AKAP19: variants seen among roughly 807,000 people sequenced by gnomAD.
AKAP19 encodes the protein small A-kinase anchoring protein.
At chr2:190,088,335 C>G in the AKAP19 span, among the ~76,000 whole-genome samples, 1 of 152,030 alleles carries the variant, frequency 6.6e-6, no homozygotes, top group African/African-American at 2.4e-5. Context: ...TGGGTGGTCC[C>G]AGAGCTCTGA....
chr2:190,016,970 G>C, the AKAP19 span, among the ~76,000 whole-genome samples: 1 of 151,978 alleles, frequency 6.6e-6, no homozygotes, highest in African/African-American at 2.4e-5. Flanking sequence ...CTCTGATGTT[G>C]AGTACATATG....
the AKAP19 span, among the ~76,000 whole-genome samples, chr2:190,178,117 C>A: frequency 2.6e-5 from 4 of 152,160 alleles, no homozygotes; most frequent in Admixed American, 1.3e-4. This position sits in a 1 kb window ranked among gnomAD's most constrained non-coding sequence, Gnocchi z 6.3. Context: ...GTTCTTGGTT[C>A]CTGTTGCCTC....
At chr2:190,015,533 T>A in the AKAP19 span, among the ~76,000 whole-genome samples, 2 of 152,238 alleles carry the variant, frequency 1.3e-5, no homozygotes, top group Admixed American at 1.3e-4. Flanking sequence ...GAGGCTGCTG[T>A]GAAAGCCTCT....
At chr2:189,993,738 G>T in the AKAP19 span, among the ~76,000 whole-genome samples, 1 of 151,918 alleles carries the variant, frequency 6.6e-6, no homozygotes, top group Non-Finnish European at 1.5e-5. Flanking sequence ...AATCTAGGAG[G>T]GTTGCATATT....
chr2:190,187,902 G>A, the AKAP19 span, among the ~76,000 whole-genome samples: 14,740 of 152,104 alleles, frequency 0.097, 970 homozygotes, highest in African/African-American at 0.18. Flanking sequence ...TTTCTTTGAC[G>A]GACCCAACAG....
chr2:189,906,103 G>C, the AKAP19 span, among the ~76,000 whole-genome samples: 672 of 152,110 alleles, frequency 4.4e-3, 8 homozygotes, highest in African/African-American at 0.015. Flanking sequence ...ATGCTGAGTA[G>C]CCTCCTACTT....
At chr2:189,946,416 C>T in the AKAP19 span, among the ~76,000 whole-genome samples, 1 of 152,076 alleles carries the variant, frequency 6.6e-6, no homozygotes. Flanking sequence ...TCAATATGAG[C>T]CTGAGCAACA....
chr2:189,958,101 A>G, the AKAP19 span, among the ~76,000 whole-genome samples: 8 of 152,304 alleles, frequency 5.3e-5, no homozygotes, highest in South Asian at 1.0e-3. Flanking sequence ...GATATTTGCA[A>G]CATGTAATTG....
the AKAP19 span, among the ~76,000 whole-genome samples, chr2:189,993,775 A>T: frequency 3.3e-5 from 5 of 151,930 alleles, no homozygotes; most frequent in East Asian, 5.8e-4. Flanking sequence ...TCTCCTCCAG[A>T]TTTTCCAGTT....
the AKAP19 span, chr2:190,200,316 C>G: frequency 3.2e-6 from 2 of 627,834 alleles, no homozygotes; most frequent in Admixed American, 3.0e-5. Context: ...TTAAGTACTT[C>G]TATGTTAACA....
At chr2:189,899,825 G>T in the AKAP19 span, among the ~76,000 whole-genome samples, 1 of 151,032 alleles carries the variant, frequency 6.6e-6, no homozygotes. Context: ...CTACTATTTA[G>T]TTTTTAGATT....
the AKAP19 span, among the ~76,000 whole-genome samples, chr2:189,952,709 A>G: frequency 1.3e-5 from 2 of 152,240 alleles, no homozygotes; most frequent in African/African-American, 4.8e-5. Flanking sequence ...ACTGTGTGCA[A>G]CTGTAGGAGA....
At chr2:190,039,311 T>C in the AKAP19 span, among the ~76,000 whole-genome samples, 2 of 152,152 alleles carry the variant, frequency 1.3e-5, no homozygotes, top group African/African-American at 4.8e-5. Flanking sequence ...ACTCCTGACC[T>C]CAGGTGATCC....
At chr2:190,130,666 T>C in the AKAP19 span, among the ~76,000 whole-genome samples, 1 of 152,158 alleles carries the variant, frequency 6.6e-6, no homozygotes, top group African/African-American at 2.4e-5. Context: ...GTAATATCTA[T>C]AGAAAATGAC....
chr2:189,998,771 C>CTTTCTTTT, the AKAP19 span, among the ~76,000 whole-genome samples: 5 of 97,544 alleles, frequency 5.1e-5, no homozygotes, highest in African/African-American at 2.1e-4. Context: ...TTCTTTCTTT[C>CTTTCTTTT]TTTTTTTTTT....
the AKAP19 span, among the ~76,000 whole-genome samples, chr2:189,963,016 C>T: frequency 6.6e-6 from 1 of 152,098 alleles, no homozygotes; most frequent in African/African-American, 2.4e-5. Flanking sequence ...ACTTTATCAA[C>T]TAAGTTTATG....
chr2:189,994,359 G>C, the AKAP19 span, among the ~76,000 whole-genome samples: 1 of 151,570 alleles, frequency 6.6e-6, no homozygotes, highest in African/African-American at 2.4e-5. Context: ...GTTTGTTCTT[G>C]TTTCTCTAGT....
chr2:190,058,187 A>T, the AKAP19 span, among the ~76,000 whole-genome samples: 1 of 152,036 alleles, frequency 6.6e-6, no homozygotes, highest in African/African-American at 2.4e-5. Flanking sequence ...TATTTCCTTT[A>T]TTCTTTCACT....
At chr2:190,085,200 A>C in the AKAP19 span, among the ~76,000 whole-genome samples, 3 of 152,230 alleles carry the variant, frequency 2.0e-5, no homozygotes, top group Non-Finnish European at 4.4e-5. Flanking sequence ...TAGATTAGAC[A>C]TGAAATATAT....
Sources: allele counts gnomAD v4.1 joint callset (sites outside exome capture counted in the v4.1 genomes callset), GRCh38; gene constraint gnomAD v4.1.1; non-coding constraint Gnocchi (gnomAD v3.1); transcripts MANE v1.5; gene names NCBI Gene and HGNC (gene_info 2026-07-23, HGNC 2026-07-21).